PDE4B: variants seen among roughly 807,000 people sequenced by gnomAD.
The protein encoded by PDE4B is phosphodiesterase 4B.
Under a neutral mutation model 82.2 loss-of-function variants are expected in PDE4B, and 20 were observed. The observed-to-expected ratio is 0.24, with a 90% CI of 0.17 to 0.35. The LOEUF is 0.35. Ranked by LOEUF, PDE4B falls within the 10% of genes least tolerant of loss-of-function variation. The probability of loss-of-function intolerance (pLI) is 1.00; values close to 1 mark genes in which losing one functional copy is unlikely to be tolerated. For synonymous variants in PDE4B, 320 were observed against 318.9 expected, an observed-to-expected ratio of 1.00 and a Z score of -0.04; for missense variants, 655 against 907.2, an observed-to-expected ratio of 0.72 and a Z score of 3.57.
In PDE4B at chr1:65,807,517, A is replaced by T. The variant is rs572999510; in HGVS notation, c.-71+14269A>T. 2.6e-5 allele frequency among the ~76,000 whole-genome samples: 4 copies of T among 152,308 alleles called. No homozygotes were observed. The South Asian group carries it at 8.3e-4, about 32-fold the overall frequency. Reference sequence around the variant, plus strand: ...ATTGCTGAGTTAAGGGCTATACACAATTTAAAGGCTTTTTGACATAAACTT... The same window carrying T: ...ATTGCTGAGTTAAGGGCTATACACATTTTAAAGGCTTTTTGACATAAACTT... On this transcript the variant is annotated intron_variant, in intron 1 of 16. Transcript: ENST00000341517.
At chr1:65,887,963 T>G (rs1337403590) in intron 1 of PDE4B, among the ~76,000 whole-genome samples, 1 of 152,180 alleles carries the variant, frequency 6.6e-6, no homozygotes, top group African/African-American at 2.4e-5. Flanking sequence ...TGTAGTCTCA[T>G]TTGTCTATTT....
intron 3 of PDE4B, among the ~76,000 whole-genome samples, chr1:65,978,233 T>C (rs754785995): frequency 1.4e-4 from 21 of 150,888 alleles, no homozygotes; most frequent in Middle Eastern, 3.2e-3. Flanking sequence ...TCACCATGTT[T>C]GCCAGGCTGG....
chr1:65,999,077 A>G (rs778665730), intron 3 of PDE4B, among the ~76,000 whole-genome samples: 5 of 152,182 alleles, frequency 3.3e-5, no homozygotes, highest in Non-Finnish European at 7.3e-5. Flanking sequence ...AGGGCTTTGC[A>G]AAGTAATGGT....
At chr1:65,826,473 AC>A (rs1275688721) in intron 1 of PDE4B, among the ~76,000 whole-genome samples, 1 of 152,140 alleles carries the variant, frequency 6.6e-6, no homozygotes, top group Non-Finnish European at 1.5e-5. Flanking sequence ...CTGAGGTCCC[AC>A]CAGGTACTCA....
At chr1:66,073,173 G>A (rs1656247559) in intron 3 of PDE4B, among the ~76,000 whole-genome samples, 1 of 151,958 alleles carries the variant, frequency 6.6e-6, no homozygotes, top group African/African-American at 2.4e-5. Flanking sequence ...GCTGTGAATT[G>A]GTGCGCCCAA....
At chr1:66,360,967 G>A (rs1431577137) in intron 9 of PDE4B, among the ~76,000 whole-genome samples, 1 of 152,026 alleles carries the variant, frequency 6.6e-6, no homozygotes, top group Non-Finnish European at 1.5e-5. Context: ...TAGACTCCAG[G>A]CATGAAATAA....
chr1:66,048,497 A>G (rs1253051923), intron 3 of PDE4B, among the ~76,000 whole-genome samples: 1 of 152,014 alleles, frequency 6.6e-6, no homozygotes, highest in East Asian at 1.9e-4. Flanking sequence ...GCTTTAAAAT[A>G]ATTATCTGGA....
rs183413552 is a variant in PDE4B, at chr1:66,262,921, C to T, written c.585-3117C>T. 1.2e-4 allele frequency among the ~76,000 whole-genome samples: 18 copies of T among 152,254 alleles called. 1 individual carries two copies. The South Asian group carries it at 2.5e-3, about 21-fold the overall frequency. On this transcript the variant is annotated intron_variant, in intron 6 of 16. Transcript: ENST00000341517. ...GAGAATTAGGCACTGTGATTTGACA[C>T]GCTATAAAGAAAGTAGAGATTTCTG...
chr1:66,139,837 A>G (rs1035684981), intron 3 of PDE4B, among the ~76,000 whole-genome samples: 5 of 152,016 alleles, frequency 3.3e-5, no homozygotes, highest in African/African-American at 1.2e-4. Flanking sequence ...AGCTCTAGTC[A>G]GAGAAGAGGT....
At chr1:66,123,809 A>G (rs1249711059) in intron 3 of PDE4B, among the ~76,000 whole-genome samples, 1 of 152,224 alleles carries the variant, frequency 6.6e-6, no homozygotes, top group Non-Finnish European at 1.5e-5. Context: ...ACTTGTGATC[A>G]TTAAATCCCT....
intron 1 of PDE4B, among the ~76,000 whole-genome samples, chr1:65,863,989 T>A (rs1348519231): frequency 6.6e-6 from 1 of 152,180 alleles, no homozygotes; most frequent in Non-Finnish European, 1.5e-5. Flanking sequence ...TTTTAGCCTA[T>A]ATACATTTAA....
intron 3 of PDE4B, among the ~76,000 whole-genome samples, chr1:66,238,396 G>A (rs1652630323): frequency 6.6e-6 from 1 of 152,166 alleles, no homozygotes; most frequent in Non-Finnish European, 1.5e-5. Flanking sequence ...TCCATGGCAA[G>A]GAGTTTGGAT....
intron 3 of PDE4B, among the ~76,000 whole-genome samples, chr1:65,984,951 T>TCC: frequency 6.6e-6 from 1 of 152,248 alleles, no homozygotes. Flanking sequence ...AAATTTAAAT[T>TCC]CTAGGACTTT....
chr1:66,339,229 G>A (rs1359537247), intron 8 of PDE4B, among the ~76,000 whole-genome samples: 2 of 152,172 alleles, frequency 1.3e-5, no homozygotes, highest in Non-Finnish European at 2.9e-5. Context: ...TTCAAATAAA[G>A]ATGAAAGAGA....
At chr1:66,137,439 C>T (rs1646080827) in intron 3 of PDE4B, among the ~76,000 whole-genome samples, 2 of 152,126 alleles carry the variant, frequency 1.3e-5, no homozygotes, top group Admixed American at 1.3e-4. Flanking sequence ...TTAATTTTCT[C>T]ACTGAAATAG....
intron 3 of PDE4B, among the ~76,000 whole-genome samples, chr1:65,934,497 C>T (rs1341953900): frequency 6.6e-6 from 1 of 152,094 alleles, no homozygotes; most frequent in Non-Finnish European, 1.5e-5. Flanking sequence ...GACAAACAGA[C>T]AACAATGAAC....
At chr1:66,006,766 A>C (rs1355748211) in intron 3 of PDE4B, among the ~76,000 whole-genome samples, 1 of 152,054 alleles carries the variant, frequency 6.6e-6, no homozygotes, top group Admixed American at 6.6e-5. Flanking sequence ...TCTGCTCTGC[A>C]CTTTTCCTTC....
rs553835682 is a variant in PDE4B, at chr1:66,123,593, T to A, written c.282-123867T>A. Among the ~76,000 whole-genome samples, 114 of 151,830 alleles carry A rather than the reference T, an allele frequency of 7.5e-4. 1 individual carries two copies. The highest frequency in any genetic ancestry group is 5.2e-4 in the Non-Finnish European group (35 of 67,938). The stretch of plus-strand genomic sequence containing the variant: ...TATTCTTTTATTTGTCTTTTTTTTT[T>A]AAAGGCTTTAATGTTATTCTGCTTC... On this transcript the variant is annotated intron_variant, in intron 3 of 16. Coordinates refer to ENST00000341517, the MANE Select transcript of PDE4B (RefSeq NM_002600.4).
At chr1:66,051,462 T>C (rs1459606400) in intron 3 of PDE4B, among the ~76,000 whole-genome samples, 1 of 152,142 alleles carries the variant, frequency 6.6e-6, no homozygotes, top group Non-Finnish European at 1.5e-5. Context: ...AATCTGGGAA[T>C]ATAAATTATT....
Sources: allele counts gnomAD v4.1 joint callset (sites outside exome capture counted in the v4.1 genomes callset), GRCh38; gene constraint gnomAD v4.1.1; transcripts MANE v1.5; gene names NCBI Gene and HGNC (gene_info 2026-07-23, HGNC 2026-07-21).